ZFAND4: variants seen among roughly 807,000 people sequenced by gnomAD.
ZFAND4 encodes AN1-type zinc finger protein 4.
ZFAND4 carries 43 observed loss-of-function variants against 64.4 expected under a neutral mutation model. The ratio of observed to expected loss-of-function variants is 0.67; its 90% CI spans 0.52 to 0.86. The LOEUF (loss-of-function observed/expected upper bound fraction) is 0.86. Among genes scored for constraint, ZFAND4 ranks in the 40% least tolerant of loss-of-function variants. ZFAND4 has a pLI of 0.00. For missense variants in ZFAND4, 929 were observed against 859.8 expected (o/e 1.08, Z -1.01); for synonymous variants, 296 against 305.7 (o/e 0.97, Z 0.33).
intron 1 of ZFAND4, among the ~76,000 whole-genome samples, chr10:45,665,512 A>C (rs534355770): frequency 1.3e-5 from 2 of 152,180 alleles, no homozygotes; most frequent in East Asian, 1.9e-4. Flanking sequence ...CTGCACTCCA[A>C]CCTGGGTGAC....
chr10:45,651,844 A>T (rs1453150152), intron 4 of ZFAND4, 122 bp downstream of exon 4: 1 of 848,440 alleles, frequency 1.2e-6, no homozygotes, highest in African/African-American at 1.7e-5. Context: ...TAGAGAATCA[A>T]ATGTGATTTT....
chr10:45,635,209 A>C (rs7086332), intron 6 of ZFAND4, among the ~76,000 whole-genome samples: 10 of 143,986 alleles, frequency 6.9e-5, no homozygotes, highest in East Asian at 2.0e-4. Context: ...AAAAAAAAAA[A>C]AAAACAAAAA....
rs1361551224 is a variant in ZFAND4 at position 45,672,696 on chromosome 10, G to GGCTC, written c.-568_-565dup. 2 of 152,166 alleles carry GGCTC rather than the reference G, an allele frequency of 1.3e-5. No individual in the cohort carries two copies. Among genetic ancestry groups the GGCTC allele is most frequent in the African/African-American group, 4.8e-5 (2 of 41,454 alleles). 9.4% of individuals were successfully genotyped at this position (152,166 alleles called of 1,614,324 possible). A position where few individuals can be genotyped will look rare whatever the true frequency, so the allele number is the denominator to read the frequency against. On this transcript the variant is annotated 5_prime_UTR_variant, in exon 1 of 10. Transcript: ENST00000344646. ...AGCCTCACCCGCAGTCTTGTCCGCT[G>GGCTC]GCTCGCTCGCCCGCCTACAGGTCGA...
intron 6 of ZFAND4, among the ~76,000 whole-genome samples, chr10:45,630,362 T>C (rs187517793): frequency 3.9e-4 from 59 of 152,146 alleles, no homozygotes; most frequent in Admixed American, 8.5e-4. Context: ...AACAAAATCA[T>C]CTCAGAAATG....
intron 6 of ZFAND4, among the ~76,000 whole-genome samples, chr10:45,628,253 G>A (rs554879345): frequency 6.6e-6 from 1 of 152,262 alleles, no homozygotes; most frequent in East Asian, 1.9e-4. Context: ...ATAATTCAGT[G>A]GATACCAACT....
Position 45,651,988 on chromosome 10 carries a change from G to T in ZFAND4, c.306C>A (p.Gly102=), listed in dbSNP as rs542422988. The T allele has an allele frequency of 9.3e-6, 15 of 1,613,554 alleles. No individual in the cohort carries two copies. Among genetic ancestry groups the T allele is most frequent in the Non-Finnish European group, 1.3e-5 (15 of 1,179,676 alleles). The change falls in exon 4 of 10, where the codon GGC becomes GGA. Residue 102 remains glycine, a synonymous_variant. Coordinates refer to ENST00000344646, the MANE Select transcript of ZFAND4 (RefSeq NM_174890.4). ...TACCTCTTCTAGTATTTATAGGTCC[G>T]CCACGCATAGCCAAAACTAGCTTCA... ...CTLKLVLAMR[G]GPINTRRVPT...
chr10:45,638,526 T>C (rs1345670358), intron 6 of ZFAND4, among the ~76,000 whole-genome samples: 1 of 151,664 alleles, frequency 6.6e-6, no homozygotes, highest in Non-Finnish European at 1.5e-5. Context: ...AACCAAAAAA[T>C]GCTTGGCAAA....
intron 1 of ZFAND4, among the ~76,000 whole-genome samples, chr10:45,668,576 A>T (rs2048982169): frequency 1.3e-5 from 2 of 152,252 alleles, no homozygotes; most frequent in African/African-American, 4.8e-5. Context: ...CAATTAAAAG[A>T]CATTTTAATG....
At chr10:45,647,424 G>GTT (rs58918686) in intron 5 of ZFAND4, among the ~76,000 whole-genome samples, 119 of 126,990 alleles carry the variant, frequency 9.4e-4, no homozygotes, top group Non-Finnish European at 1.2e-3. Context: ...ACTACAAGCT[G>GTT]TTTTTTTTTT....
chr10:45,655,971 C>T (rs1174770094), intron 2 of ZFAND4, among the ~76,000 whole-genome samples: 1 of 152,188 alleles, frequency 6.6e-6, no homozygotes, highest in Admixed American at 6.5e-5. Context: ...GTGGCTCACG[C>T]CTGTAATCCC....
intron 6 of ZFAND4, among the ~76,000 whole-genome samples, chr10:45,633,664 G>A (rs1376275834): frequency 6.7e-5 from 10 of 148,858 alleles, no homozygotes; most frequent in Non-Finnish European, 1.0e-4. Context: ...AAAAAAAAAC[G>A]AAAAAGAAAC....
chr10:45,671,913 A>G (rs556377556), intron 1 of ZFAND4, among the ~76,000 whole-genome samples: 1 of 152,326 alleles, frequency 6.6e-6, no homozygotes, highest in East Asian at 1.9e-4. Flanking sequence ...AATGGAAGTT[A>G]AAGGTAAACA....
chr10:45,631,222 C>T (rs1307998950), intron 6 of ZFAND4, among the ~76,000 whole-genome samples: 6 of 149,586 alleles, frequency 4.0e-5, no homozygotes, highest in South Asian at 2.1e-4. Context: ...GAGGCAGAGG[C>T]GGGAGAATGG....
chr10:45,628,386 C>G (rs149195323), intron 6 of ZFAND4, among the ~76,000 whole-genome samples: 2 of 152,286 alleles, frequency 1.3e-5, no homozygotes, highest in East Asian at 3.9e-4. Flanking sequence ...GGCACAATCT[C>G]AGGCCTCCAC....
chr10:45,665,335 T>A (rs2048749785), intron 1 of ZFAND4, among the ~76,000 whole-genome samples: 1 of 151,768 alleles, frequency 6.6e-6, no homozygotes, highest in Non-Finnish European at 1.5e-5. Context: ...AGGTCAGGAG[T>A]TCGAGACCAG....
In ZFAND4 at chr10:45,648,397, C is replaced by CA. The variant is rs1564608727; in HGVS notation, c.465dup (p.Ala156CysfsTer4). On this transcript the variant is annotated frameshift_variant, in exon 5 of 10. Coordinates refer to ENST00000344646, the MANE Select transcript of ZFAND4 (RefSeq NM_174890.4). LOFTEE classifies it high-confidence loss of function. The stretch of plus-strand genomic sequence containing the variant: ...AAAGTGCCATCTCCCCTATCTACTG[C>CA]AGGAAAGAAATTCAATTGATCTCCT... 1 of 1,613,962 alleles carries CA rather than the reference C, an allele frequency of 6.2e-7. No individual in the cohort carries two copies. Among genetic ancestry groups the CA allele is most frequent in the Non-Finnish European group, 8.5e-7 (1 of 1,179,920 alleles).
chr10:45,647,993 G>C (rs1053527584), intron 5 of ZFAND4, among the ~76,000 whole-genome samples: 1 of 151,796 alleles, frequency 6.6e-6, no homozygotes, highest in Non-Finnish European at 1.5e-5. Flanking sequence ...GTTAAATTTA[G>C]AAAAAAAGGT....
chr10:45,615,656 C>T lies in ZFAND4; in HGVS notation c.*780G>A, dbSNP rs2044900288. 1 of 151,694 alleles carries T rather than the reference C, an allele frequency of 6.6e-6. No homozygotes were observed. The highest frequency in any genetic ancestry group is 1.5e-5 in the Non-Finnish European group (1 of 67,936). The allele number at this position is 151,694 out of a possible 1,614,324, so 9.4% of individuals were successfully genotyped here. A position where few individuals can be genotyped will look rare whatever the true frequency, so the allele number is the denominator to read the frequency against. ...AATAGCACTCAACAAATAAGAAAAA[C>T]CGAGCTGTGAGATTTTGTTTTAAAT... On this transcript the variant is annotated 3_prime_UTR_variant, in exon 10 of 10. Transcript: ENST00000344646.
intron 2 of ZFAND4, among the ~76,000 whole-genome samples, chr10:45,655,213 T>C (rs1347927163): frequency 6.6e-6 from 1 of 152,176 alleles, no homozygotes; most frequent in Non-Finnish European, 1.5e-5. Flanking sequence ...CCTCAAACTA[T>C]ACAAATACAT....
Sources: gnomAD v4.1 joint callset for allele counts (sites outside exome capture counted in the v4.1 genomes callset) on GRCh38, gnomAD v4.1.1 for gene constraint, MANE v1.5 for transcripts, NCBI Gene and HGNC (gene_info 2026-07-23, HGNC 2026-07-21) for gene names.